Variants in PTPRG observed in about 807,000 individuals in gnomAD.
PTPRG encodes protein tyrosine phosphatase receptor type G, also known as receptor-type tyrosine-protein phosphatase gamma.
Under a neutral mutation model 165.3 loss-of-function variants are expected in PTPRG, and 102 were observed. The observed-to-expected ratio is 0.62, with a 90% CI of 0.53 to 0.73. The LOEUF (loss-of-function observed/expected upper bound fraction) is 0.73. Among genes scored for constraint, PTPRG ranks in the 30% least tolerant of loss-of-function variants. The pLI is 0.00. For synonymous variants in PTPRG, 675 were observed against 669.5 expected (o/e 1.01, Z -0.13); for missense variants, 1,866 against 1,861.4 (o/e 1.00, Z -0.05).
intron 1 of PTPRG, among the ~76,000 whole-genome samples, chr3:61,640,327 C>A (rs1323392777): frequency 2.0e-5 from 3 of 152,152 alleles, no homozygotes; most frequent in African/African-American, 7.2e-5. Context: ...CTGGAGAGAT[C>A]AGAGTAGGTC....
At chr3:62,044,414 C>T (rs1288765435) in intron 4 of PTPRG, among the ~76,000 whole-genome samples, 1 of 152,114 alleles carries the variant, frequency 6.6e-6, no homozygotes, top group Non-Finnish European at 1.5e-5. Context: ...TGGCACATGC[C>T]TGTAGTCCCA....
At chr3:61,895,772 G>A (rs2038338270) in intron 2 of PTPRG, among the ~76,000 whole-genome samples, 1 of 152,186 alleles carries the variant, frequency 6.6e-6, no homozygotes, top group Non-Finnish European at 1.5e-5. Context: ...GCAGATGAGA[G>A]TTGGTTCTCT....
At chr3:61,989,926 C>T (rs1162841436) in intron 3 of PTPRG, 122 bp downstream of exon 3, 1 of 1,045,670 alleles carries the variant, frequency 9.6e-7, no homozygotes, top group African/African-American at 1.6e-5. Flanking sequence ...GAGCCTAAAT[C>T]AGTCCTTAGT....
intron 2 of PTPRG, among the ~76,000 whole-genome samples, chr3:61,752,796 A>AAAAAAAGAAAAG (rs1225275864): frequency 1.2e-5 from 1 of 82,016 alleles, no homozygotes; most frequent in African/African-American, 5.4e-5. Flanking sequence ...AAAAAAAAAA[A>AAAAAAAGAAAAG]AAAAAGAAAA....
chr3:62,188,897 G>A (rs944332236), intron 8 of PTPRG, among the ~76,000 whole-genome samples: 5 of 152,130 alleles, frequency 3.3e-5, no homozygotes, highest in Non-Finnish European at 5.9e-5. Flanking sequence ...ATCTCGGTTC[G>A]TTATTAGTAT....
intron 7 of PTPRG, among the ~76,000 whole-genome samples, chr3:62,167,223 G>A (rs1040351911): frequency 3.3e-5 from 5 of 152,114 alleles, no homozygotes; most frequent in African/African-American, 1.2e-4. Context: ...GTGGATACTT[G>A]AGTTACAGAA....
intron 4 of PTPRG, among the ~76,000 whole-genome samples, chr3:62,063,713 G>T (rs1042345352): frequency 2.0e-5 from 3 of 152,058 alleles, no homozygotes; most frequent in African/African-American, 7.2e-5. Flanking sequence ...ATGTTGCCCA[G>T]GCTAGTCTTG....
chr3:62,189,977 C>G (rs900906976), intron 8 of PTPRG, among the ~76,000 whole-genome samples: 34 of 152,154 alleles, frequency 2.2e-4, no homozygotes, highest in African/African-American at 8.2e-4. Context: ...CATAAGCTCT[C>G]AGCTCTCAGT....
intron 1 of PTPRG, among the ~76,000 whole-genome samples, chr3:61,674,096 G>T (rs925361547): frequency 4.6e-5 from 7 of 151,712 alleles, no homozygotes; most frequent in Non-Finnish European, 8.8e-5. Flanking sequence ...CGGGTTGATG[G>T]GTGCAGCAAA....
chr3:62,262,675 T>C (rs1480598197), intron 16 of PTPRG, 123 bp from the exon 17 acceptor site: 2 of 494,544 alleles, frequency 4.0e-6, no homozygotes, highest in African/African-American at 4.0e-5. Flanking sequence ...ATATCCGAAG[T>C]TGGGATTGAG....
intron 5 of PTPRG, among the ~76,000 whole-genome samples, chr3:62,084,449 C>A (rs1040049808): frequency 6.6e-6 from 1 of 152,172 alleles, no homozygotes; most frequent in Non-Finnish European, 1.5e-5. Flanking sequence ...TCATTTGCCC[C>A]CTTTTCATTT....
intron 1 of PTPRG, among the ~76,000 whole-genome samples, chr3:61,616,075 C>A (rs1306693343): frequency 6.6e-6 from 1 of 152,170 alleles, no homozygotes; most frequent in Non-Finnish European, 1.5e-5. Flanking sequence ...CTCAGCCTCC[C>A]AAGTAGCTGG....
intron 2 of PTPRG, among the ~76,000 whole-genome samples, chr3:61,959,437 C>T (rs532166896): frequency 6.6e-6 from 1 of 152,288 alleles, no homozygotes; most frequent in South Asian, 2.1e-4. Flanking sequence ...GATCATCAGG[C>T]ACGTGCAACC....
intron 2 of PTPRG, among the ~76,000 whole-genome samples, chr3:61,967,558 T>C (rs1228135842): frequency 3.9e-5 from 6 of 152,162 alleles, no homozygotes; most frequent in Admixed American, 3.9e-4. Context: ...CTAAATTCAT[T>C]CCCTTACTGG....
At chr3:62,251,090 TGTAA>T (rs927969079) in intron 15 of PTPRG, among the ~76,000 whole-genome samples, 3 of 152,208 alleles carry the variant, frequency 2.0e-5, no homozygotes, top group Non-Finnish European at 4.4e-5. Context: ...CTGAAAATTT[TGTAA>T]GTACAAATAG....
At chr3:61,763,750 T>G (rs1489307653) in intron 2 of PTPRG, among the ~76,000 whole-genome samples, 4 of 152,148 alleles carry the variant, frequency 2.6e-5, no homozygotes, top group African/African-American at 7.2e-5. Context: ...TGTTTACTTT[T>G]GAAGTGAAAA....
intron 2 of PTPRG, among the ~76,000 whole-genome samples, chr3:61,875,997 T>TTAAATAAA (rs200544163): frequency 6.6e-6 from 1 of 152,110 alleles, no homozygotes; most frequent in Non-Finnish European, 1.5e-5. Context: ...CAGTCTTTCT[T>TTAAATAAA]TAAATAAATA....
chr3:61,639,301 G>A lies in PTPRG; in HGVS notation c.85+76929G>A, dbSNP rs147629924. Reference sequence around the variant, plus strand: ...TTTGTAATAGTACCATGCTGTTTTCGTCACTGTAGCCTTATAGCATAGTTT... The same window carrying A: ...TTTGTAATAGTACCATGCTGTTTTCATCACTGTAGCCTTATAGCATAGTTT... On this transcript the variant is annotated intron_variant, in intron 1 of 29. Coordinates refer to ENST00000474889, the MANE Select transcript of PTPRG (RefSeq NM_002841.4). Among the ~76,000 whole-genome samples the A allele has an allele frequency of 9.2e-5, 14 of 152,072 alleles. No homozygotes were observed. In the East Asian group the frequency reaches 1.9e-3, roughly 21 times the overall value.
At chr3:61,777,366 T>C (rs1264098611) in intron 2 of PTPRG, among the ~76,000 whole-genome samples, 2 of 152,228 alleles carry the variant, frequency 1.3e-5, no homozygotes, top group Admixed American at 1.3e-4. Flanking sequence ...GTGGCTACCA[T>C]ATTGTACAGC....
Sources: allele counts gnomAD v4.1 joint callset (sites outside exome capture counted in the v4.1 genomes callset), GRCh38; gene constraint gnomAD v4.1.1; transcripts MANE v1.5; gene names NCBI Gene and HGNC (gene_info 2026-07-23, HGNC 2026-07-21).